Variants in WDR81 observed in about 807,000 individuals in gnomAD.
The protein encoded by WDR81 is WD repeat domain 81, also known as WD repeat-containing protein 81.
A neutral mutation model predicts 140.8 loss-of-function variants in WDR81; 92 were observed. The ratio of observed to expected loss-of-function variants is 0.65; its 90% CI spans 0.55 to 0.78. The LOEUF (loss-of-function observed/expected upper bound fraction) is 0.78. WDR81 is among the 30% of genes least tolerant of loss of function. The pLI is 0.00. For missense variants in WDR81, 2,502 were observed against 2,636.4 expected (o/e 0.95, Z 1.12); for synonymous variants, 1,183 against 1,156.4 (o/e 1.02, Z -0.47).
chr17:1,735,714 G>T lies in WDR81; in HGVS notation c.5322G>T (p.Leu1774=), dbSNP rs1029707493. The change falls in exon 8 of 10, where the codon CTG becomes CTT. Residue 1774 remains leucine, a synonymous_variant. Transcript: ENST00000409644. This position sits in a 1 kb window ranked among gnomAD's most constrained non-coding sequence, Gnocchi z 4.2. ...LRFVDCRKPG[L]QHEFRLGGGL... The stretch of plus-strand genomic sequence containing the variant: ...TTGTGGACTGCAGGAAGCCTGGTCT[G>T]CAGGTCAGGGGGGTCCAGTTCCCTG... The T allele has an allele frequency of 4.5e-5, 72 of 1,611,720 alleles. No individual in the cohort carries two copies. Among genetic ancestry groups the T allele is most frequent in the Non-Finnish European group, 5.6e-5 (66 of 1,179,302 alleles).
At position 1,736,185 on chromosome 17, in the gene WDR81, G is replaced by A. The variant is rs867356718; in HGVS notation, c.5472G>A (p.Trp1824Ter). 1.3e-6 allele frequency: 2 copies of A among 1,599,082 alleles called. No individual in the cohort carries two copies. The change falls in exon 9 of 10, where the codon TGG becomes TGA. Residue 1824 changes from tryptophan to a stop codon, truncating the protein, a stop_gained. Coordinates refer to ENST00000409644, the MANE Select transcript of WDR81 (RefSeq NM_001163809.2). LOFTEE classifies it high-confidence loss of function. ...GCACAGGCCTGGTTCTGCGAGGCTG[G>A]CCAGCCCACGAGGGGGACATTCTGC... is the stretch of plus-strand genomic sequence containing the variant. ...DTRTGLVLRG[W>*]PAHEGDILQI...
rs748473914 is a variant in WDR81 at position 1,728,163 on chromosome 17, G to C, written c.3204G>C (p.Thr1068=). The C allele has an allele frequency of 6.2e-7, 1 of 1,606,140 alleles. No homozygotes were observed. Among genetic ancestry groups the C allele is most frequent in the Admixed American group, 1.7e-5 (1 of 59,732 alleles). ...ASSGLGLPDY[T]SGVSFHDQAD... ...CGGGCCTGGGGCTCCCAGACTACAC[G>C]TCTGGCGTCAGCTTCCACGACCAGG... Residue 1068 remains threonine (T), a synonymous_variant, in exon 1 of 10, where the codon ACG becomes ACC. Coordinates refer to ENST00000409644, the MANE Select transcript of WDR81 (RefSeq NM_001163809.2).
intron 4 of WDR81, among the ~76,000 whole-genome samples, 160 bp downstream of exon 4, chr17:1,731,418 C>T (rs1275043908): frequency 6.6e-6 from 1 of 152,226 alleles, no homozygotes; most frequent in African/African-American, 2.4e-5. Context: ...ACACCCTTTT[C>T]CTGTGCCTCA....
Position 1,733,686 on chromosome 17 carries a change from C to T in WDR81, c.4649C>T (p.Pro1550Leu), listed in dbSNP as rs370929466. ...TGGGACCCCCATGGTGGGGGCTGCC[C>T]TCAGGATGACGGCCACTCAGGGACC... is the stretch of plus-strand genomic sequence containing the variant. The part of the protein sequence containing the change: ...PEWDPHGGGC[P>L]QDDGHSGTFG... The change falls in exon 7 of 10, where the codon CCT (proline) becomes CTT (leucine). Residue 1550 changes from proline to leucine, a missense_variant. Physicochemically the swap from Pro to Leu is moderately conservative, Grantham distance 98. Around this residue, in one of 3 missense-constraint regions of WDR81, gnomAD observed 1,737 missense variants for 1,843.0 expected, o/e 0.94. Transcript: ENST00000409644. 1.5e-4 allele frequency: 234 copies of T among 1,612,024 alleles called. No individual in the cohort carries two copies. Among genetic ancestry groups the T allele is most frequent in the Non-Finnish European group, 1.9e-4 (220 of 1,179,610 alleles).
upstream of WDR81, among the ~76,000 whole-genome samples, chr17:1,719,834 C>T (rs1914771970): frequency 2.0e-5 from 3 of 152,040 alleles, no homozygotes; most frequent in South Asian, 6.2e-4. Flanking sequence ...GAAACTCTAG[C>T]TCTACCCAAA....
At position 1,727,089 on chromosome 17, in the gene WDR81, C is replaced by T; in HGVS notation, c.2130C>T (p.Asp710=). The T allele has an allele frequency of 6.5e-7, 1 of 1,548,694 alleles. No homozygotes were observed. Among genetic ancestry groups the T allele is most frequent in the Non-Finnish European group, 8.7e-7 (1 of 1,145,784 alleles). ...PGRRNKAAGA[D]PGEGEEGRIL... is the part of the protein sequence containing the mutation. ...GCAGGAATAAAGCTGCTGGGGCAGACCCTGGGGAGGGTGAGGAGGGGAGGA... is the reference window on the plus strand; with the variant it reads ...GCAGGAATAAAGCTGCTGGGGCAGATCCTGGGGAGGGTGAGGAGGGGAGGA... Residue 710 remains aspartate, a synonymous_variant, in exon 1 of 10, where the codon GAC becomes GAT. Coordinates refer to ENST00000409644, the MANE Select transcript of WDR81 (RefSeq NM_001163809.2).
Position 1,737,799 on chromosome 17 carries a change from G to C in WDR81, c.*114G>C, listed in dbSNP as rs1905017720. The C allele has an allele frequency of 1.5e-6, 2 of 1,359,354 alleles. No homozygotes were observed. The highest frequency in any genetic ancestry group is 2.0e-6 in the Non-Finnish European group (2 of 1,023,926). 84.2% of individuals were successfully genotyped at this position (1,359,354 alleles called of 1,614,324 possible). A position where few individuals can be genotyped will look rare whatever the true frequency, so the allele number is the denominator to read the frequency against. On this transcript the variant is annotated 3_prime_UTR_variant, in exon 10 of 10. Transcript: ENST00000409644. ...AGGGAGGCCCTGGGTCCCACGCCCTGGGTGCCCACATGGCCTGCCAACTAG... is the reference window on the plus strand; with the variant it reads ...AGGGAGGCCCTGGGTCCCACGCCCTCGGTGCCCACATGGCCTGCCAACTAG...
Position 1,730,438 on chromosome 17 carries a change from T to A in WDR81, c.3726T>A (p.Ser1242=). The A allele has an allele frequency of 6.2e-7, 1 of 1,613,280 alleles. No individual in the cohort carries two copies. Reference sequence around the variant, plus strand: ...CCAAGCTCGGCCCCACAGTGGCCTCTCGCCACGTGGCCCGGAACCTGCTCC... The same window carrying A: ...CCAAGCTCGGCCCCACAGTGGCCTCACGCCACGTGGCCCGGAACCTGCTCC... ...LSAKLGPTVA[S]RHVARNLLRL... Residue 1242 remains serine, a synonymous_variant, in exon 2 of 10, where the codon TCT becomes TCA. Coordinates refer to ENST00000409644, the MANE Select transcript of WDR81 (RefSeq NM_001163809.2).
intron 1 of WDR81, among the ~76,000 whole-genome samples, chr17:1,718,416 G>A (rs939560122): frequency 2.0e-5 from 3 of 152,190 alleles, no homozygotes; most frequent in Admixed American, 6.5e-5. Context: ...CACCGCGCCC[G>A]GCCGCATTCA....
chr17:1,735,669 C>G lies in WDR81; in HGVS notation c.5277C>G (p.Ser1759Arg), dbSNP rs1359932190. 4 of 1,613,074 alleles carry G rather than the reference C, an allele frequency of 2.5e-6. No individual in the cohort carries two copies. The highest frequency in any genetic ancestry group is 3.4e-6 in the Non-Finnish European group (4 of 1,179,956). ...CCCACACCAGCATCACCATGGCCAG[C>G]TCTGACTCTACCCTGCGCTTTGTGG... ...PAPHTSITMA[S>R]SDSTLRFVDC... Residue 1759 changes from serine (S) to arginine (R), a missense_variant, in exon 8 of 10, where the codon AGC becomes AGG. By Grantham distance (110) the Ser-to-Arg change is moderately radical. Transcript: ENST00000409644. The surrounding 1 kb of genome is among the most constrained non-coding windows in gnomAD (Gnocchi z 4.2).
Position 1,725,278 on chromosome 17 carries a change from G to C in WDR81, c.319G>C (p.Val107Leu). The part of the protein sequence containing the change: ...RLPAGWTRVE[V>L]HGLRKRRLSY... ...GCCTGCCGGCTGGACGCGCGTGGAG[G>C]TGCATGGGCTGCGGAAGCGGAGACT... Residue 107 changes from valine (V) to leucine (L), a missense_variant, in exon 1 of 10, where the codon GTG becomes CTG. Physicochemically the swap from Val to Leu is conservative, Grantham distance 32. This residue lies in a region of WDR81 where 547 missense variants were observed against 513.8 expected (regional missense o/e 1.06). Coordinates refer to ENST00000409644, the MANE Select transcript of WDR81 (RefSeq NM_001163809.2). 1.3e-6 allele frequency: 2 copies of C among 1,546,306 alleles called. No homozygotes were observed. Among genetic ancestry groups the C allele is most frequent in the South Asian group, 2.4e-5 (2 of 84,068 alleles).
intron 4 of WDR81, 139 bp from the exon 5 acceptor site, chr17:1,732,186 G>A (rs572554801): frequency 1.0e-5 from 12 of 1,205,744 alleles, no homozygotes; most frequent in South Asian, 6.5e-5. Flanking sequence ...GCAGTGAGCC[G>A]AGATCGCACC....
intron 1 of WDR81, among the ~76,000 whole-genome samples, chr17:1,719,406 G>T (rs1914746234): frequency 6.6e-6 from 1 of 151,978 alleles, no homozygotes; most frequent in Non-Finnish European, 1.5e-5. Flanking sequence ...AATTAGCCGG[G>T]CGTGGTGGCG....
At position 1,728,744 on chromosome 17, in the gene WDR81, G is replaced by T; in HGVS notation, c.3667+118G>T. 2.3e-6 allele frequency: 3 copies of T among 1,294,196 alleles called. No individual in the cohort carries two copies. In the South Asian group the frequency reaches 6.9e-5, roughly 30 times the overall value. 80.2% of individuals were successfully genotyped at this position (1,294,196 alleles called of 1,614,324 possible). A position where few individuals can be genotyped will look rare whatever the true frequency, so the allele number is the denominator to read the frequency against. On this transcript the variant is annotated intron_variant, in intron 1 of 9. Coordinates refer to ENST00000409644, the MANE Select transcript of WDR81 (RefSeq NM_001163809.2). ...CTGAGGCGGGCGGATCACAAGGTCA[G>T]GAGATCGAGACCATCCTAATAACAA...
At position 1,727,637 on chromosome 17, in the gene WDR81, A is replaced by G. The variant is rs1472663766; in HGVS notation, c.2678A>G (p.Glu893Gly). 23 of 1,550,412 alleles carry G rather than the reference A, an allele frequency of 1.5e-5. No homozygotes were observed. The highest frequency in any genetic ancestry group is 2.0e-5 in the Non-Finnish European group (23 of 1,147,040). The change falls in exon 1 of 10, where the codon GAG becomes GGG. Residue 893 changes from glutamate to glycine, a missense_variant. Transcript: ENST00000409644. ...FILLYQARRV[E>G]DEAQGRELVF... ...CTCCTGTACCAGGCAAGGCGTGTGG[A>G]GGACGAGGCCCAGGGGCGCGAGCTG...
intron 9 of WDR81, among the ~76,000 whole-genome samples, chr17:1,737,159 T>TA (rs1218422446): frequency 6.6e-6 from 1 of 152,196 alleles, no homozygotes; most frequent in African/African-American, 2.4e-5. Flanking sequence ...GTTCTCAAGT[T>TA]AGAGTGACGA....
In WDR81 at chr17:1,728,491, G is replaced by A. The variant is rs151330612; in HGVS notation, c.3532G>A (p.Ala1178Thr). The change falls in exon 1 of 10, where the codon GCA becomes ACA. Residue 1178 changes from alanine (A) to threonine (T), a missense_variant. By Grantham distance (58) the Ala-to-Thr change is moderately conservative (BLOSUM62 0). This residue lies in a region of WDR81 where 1,737 missense variants were observed against 1,843.0 expected (regional missense o/e 0.94). Coordinates refer to ENST00000409644, the MANE Select transcript of WDR81 (RefSeq NM_001163809.2). ...GGGGGAGCAGGAGGAGGTCACCGGG[G>A]CATCTGAGCTCACTCTGTCTGACAC... ...EEGEQEEVTGASELTLSDTVL... is the reference protein window; with the variant it reads ...EEGEQEEVTGTSELTLSDTVL... 1.7e-3 allele frequency: 2,725 copies of A among 1,598,926 alleles called. 2 individuals carry two copies. Among genetic ancestry groups the A allele is most frequent in the Non-Finnish European group, 2.1e-3 (2,485 of 1,172,006 alleles).
At chr17:1,733,470 G>A (rs1904546088) in intron 6 of WDR81, 57 bp from the exon 7 acceptor site, 2 of 1,486,932 alleles carry the variant, frequency 1.3e-6, no homozygotes, top group African/African-American at 2.8e-5. Flanking sequence ...CCTTGGATGG[G>A]TGATAGCAGC....
chr17:1,726,688 A>T lies in WDR81; in HGVS notation c.1729A>T (p.Ser577Cys). 6.5e-7 allele frequency: 1 copy of T among 1,549,810 alleles called. No individual in the cohort carries two copies. Among genetic ancestry groups the T allele is most frequent in the East Asian group, 2.4e-5 (1 of 40,920 alleles). The change falls in exon 1 of 10, where the codon AGC (serine) becomes TGC (cysteine). Residue 577 changes from serine (S) to cysteine (C), a missense_variant. Physicochemically the swap from Ser to Cys is moderately radical, Grantham distance 112. Coordinates refer to ENST00000409644, the MANE Select transcript of WDR81 (RefSeq NM_001163809.2). Reference sequence around the variant, plus strand: ...GGTGGACGCCCACACTCACCTGGCCAGCTACGGGGTGGTGCAGCTCTTCGA... The same window carrying T: ...GGTGGACGCCCACACTCACCTGGCCTGCTACGGGGTGGTGCAGCTCTTCGA... The part of the protein sequence containing the change: ...HLVDAHTHLA[S>C]YGVVQLFDQP...
Sources: allele counts gnomAD v4.1 joint callset (sites outside exome capture counted in the v4.1 genomes callset), GRCh38; gene constraint gnomAD v4.1.1; regional missense constraint gnomAD v4.1.1; non-coding constraint Gnocchi (gnomAD v3.1); transcripts MANE v1.5; gene names NCBI Gene and HGNC (gene_info 2026-07-23, HGNC 2026-07-21).